Variants in KIAA1549L observed in about 807,000 individuals in gnomAD.
KIAA1549L encodes KIAA1549 like.
A neutral mutation model predicts 160.7 loss-of-function variants in KIAA1549L; 88 were observed. The ratio of observed to expected loss-of-function variants is 0.55; its 90% CI spans 0.46 to 0.65. KIAA1549L has a LOEUF of 0.65. Among genes scored for constraint, KIAA1549L ranks in the 30% least tolerant of loss-of-function variants. KIAA1549L has a pLI of 0.00. For missense variants in KIAA1549L, 2,258 were observed against 2,437.5 expected (o/e 0.93, Z 1.55); for synonymous variants, 950 against 976.7 (o/e 0.97, Z 0.51).
At chr11:33,554,918 A>C (rs1854596707) in intron 6 of KIAA1549L, among the ~76,000 whole-genome samples, 1 of 152,188 alleles carries the variant, frequency 6.6e-6, no homozygotes, top group Admixed American at 6.5e-5. Flanking sequence ...AGGGGTAAGT[A>C]AGAGATGAGG....
chr11:33,405,614 T>C (rs1206186302), intron 1 of KIAA1549L, among the ~76,000 whole-genome samples: 1 of 149,662 alleles, frequency 6.7e-6, no homozygotes, highest in Non-Finnish European at 1.5e-5. Context: ...GAGGCCGAGG[T>C]GGGTGGATCA....
At chr11:33,643,526 C>G (rs1851642659) in intron 16 of KIAA1549L, among the ~76,000 whole-genome samples, 1 of 152,202 alleles carries the variant, frequency 6.6e-6, no homozygotes, top group Non-Finnish European at 1.5e-5. Flanking sequence ...CTGTTAATCT[C>G]CCACCTGGGA....
chr11:33,498,812 T>A (rs946947241), intron 1 of KIAA1549L, among the ~76,000 whole-genome samples: 2 of 152,154 alleles, frequency 1.3e-5, no homozygotes. Context: ...TAGTGAGGAA[T>A]CACCCATTTT....
At chr11:33,437,657 C>G (rs1851407611) in intron 1 of KIAA1549L, among the ~76,000 whole-genome samples, 1 of 152,208 alleles carries the variant, frequency 6.6e-6, no homozygotes, top group East Asian at 1.9e-4. Flanking sequence ...GCAGCTGTTA[C>G]AAATTCCCCC....
chr11:33,424,856 CTGTG>C (rs1212616128), intron 1 of KIAA1549L, among the ~76,000 whole-genome samples: 1 of 152,134 alleles, frequency 6.6e-6, no homozygotes, highest in East Asian at 1.9e-4. Context: ...GCTGTGGACT[CTGTG>C]TGGTGAGGAG....
At chr11:33,502,477 T>G (rs991025777) in intron 1 of KIAA1549L, among the ~76,000 whole-genome samples, 3 of 152,204 alleles carry the variant, frequency 2.0e-5, no homozygotes, top group Non-Finnish European at 4.4e-5. Flanking sequence ...CTTTGCGGTC[T>G]TCTTCAGTTT....
intron 13 of KIAA1549L, among the ~76,000 whole-genome samples, chr11:33,606,059 G>T (rs117518431): frequency 2.2e-4 from 33 of 152,120 alleles, no homozygotes; most frequent in African/African-American, 7.2e-4. Context: ...CGGAATTTTC[G>T]TAGCTTTCTT....
intron 1 of KIAA1549L, among the ~76,000 whole-genome samples, chr11:33,399,869 C>T (rs992270124): frequency 2.6e-5 from 4 of 152,172 alleles, no homozygotes; most frequent in African/African-American, 9.7e-5. Flanking sequence ...ATTCTTGTAG[C>T]ACTCCGCTTC....
At chr11:33,569,765 G>A (rs972629987) in intron 9 of KIAA1549L, among the ~76,000 whole-genome samples, 5 of 152,148 alleles carry the variant, frequency 3.3e-5, no homozygotes, top group African/African-American at 1.2e-4. Context: ...CGGTGGTTAA[G>A]CTTGCGTGTC....
intron 1 of KIAA1549L, among the ~76,000 whole-genome samples, chr11:33,448,338 A>G (rs1851657337): frequency 6.6e-6 from 1 of 152,154 alleles, no homozygotes; most frequent in African/African-American, 2.4e-5. Context: ...CCAGGGATGT[A>G]TGTCCTTCCG....
At chr11:33,408,489 G>GTATATATATATATATA (rs138063173) in intron 1 of KIAA1549L, among the ~76,000 whole-genome samples, 7 of 123,072 alleles carry the variant, frequency 5.7e-5, no homozygotes, top group Non-Finnish European at 1.0e-4. Context: ...CTGTATATGT[G>GTATATATATATATATA]TATATATATA....
At chr11:33,431,149 T>G (rs1425535417) in intron 1 of KIAA1549L, among the ~76,000 whole-genome samples, 1 of 152,022 alleles carries the variant, frequency 6.6e-6, no homozygotes, top group East Asian at 1.9e-4. Context: ...CTCGCTGGCT[T>G]CAGGAGTGAA....
At chr11:33,600,953 G>A (rs956587597) in intron 13 of KIAA1549L, among the ~76,000 whole-genome samples, 4 of 152,026 alleles carry the variant, frequency 2.6e-5, no homozygotes, top group African/African-American at 4.8e-5. Flanking sequence ...CACTTAGCTG[G>A]TGAAATTCTG....
chr11:33,542,554 A>G lies in KIAA1549L; in HGVS notation c.991A>G (p.Thr331Ala), dbSNP rs761592361. 13 of 1,613,752 alleles carry G rather than the reference A, an allele frequency of 8.1e-6. No homozygotes were observed. The Admixed American group carries it at 1.2e-4, about 14-fold the overall frequency. ...STKWHSELSP[T>A]EGPHSAGSST... is the part of the protein sequence containing the mutation. ...AAAATGGCATTCCGAGCTGTCCCCA[A>G]CAGAGGGTCCCCATTCAGCAGGTTC... The change falls in exon 2 of 21, where the codon ACA becomes GCA. Residue 331 changes from threonine to alanine, a missense_variant. Coordinates refer to ENST00000658780, the MANE Select transcript of KIAA1549L (RefSeq NM_012194.3).
intron 1 of KIAA1549L, among the ~76,000 whole-genome samples, chr11:33,405,807 A>G (rs1339978603): frequency 7.6e-6 from 1 of 131,818 alleles, no homozygotes; most frequent in East Asian, 2.5e-4. Context: ...GCGCCACTGC[A>G]CTCCAGCCTG....
chr11:33,414,602 T>C (rs1274955104), intron 1 of KIAA1549L, among the ~76,000 whole-genome samples: 1 of 152,228 alleles, frequency 6.6e-6, no homozygotes, highest in Admixed American at 6.5e-5. Context: ...TAAGTATATA[T>C]GGGCAATGTA....
intron 1 of KIAA1549L, among the ~76,000 whole-genome samples, chr11:33,382,428 G>C (rs1850090321): frequency 6.6e-6 from 1 of 152,146 alleles, no homozygotes; most frequent in Non-Finnish European, 1.5e-5. Flanking sequence ...TCTAACTGCA[G>C]ATGGTTCAAG....
chr11:33,543,059 C>T lies in KIAA1549L; in HGVS notation c.1496C>T (p.Ala499Val). Residue 499 changes from alanine (A) to valine (V), a missense_variant, in exon 2 of 21, where the codon GCC becomes GTC. Physicochemically the swap from Ala to Val is moderately conservative, Grantham distance 64. Around this residue, in one of 6 missense-constraint regions of KIAA1549L, gnomAD observed 540 missense variants for 465.7 expected, o/e 1.16. Coordinates refer to ENST00000658780, the MANE Select transcript of KIAA1549L (RefSeq NM_012194.3). ...CCCGCATCACCATCAACTGGGACAG[C>T]CGACTTTCCCTCCATACTTACTTTC... ...AVPASPSTGTADFPSILTFLQ... is the reference protein window; with the variant it reads ...AVPASPSTGTVDFPSILTFLQ... 6.2e-7 allele frequency: 1 copy of T among 1,613,940 alleles called. No individual in the cohort carries two copies. The highest frequency in any genetic ancestry group is 8.5e-7 in the Non-Finnish European group (1 of 1,179,904).
chr11:33,664,973 C>T (rs181657989), intron 20 of KIAA1549L, among the ~76,000 whole-genome samples: 12 of 152,276 alleles, frequency 7.9e-5, no homozygotes, highest in Admixed American at 7.8e-4. Flanking sequence ...ACTCTGTAGC[C>T]TGATATTCAG....
Sources: gnomAD v4.1 joint callset for allele counts (sites outside exome capture counted in the v4.1 genomes callset) on GRCh38, gnomAD v4.1.1 for gene constraint, gnomAD v4.1.1 regional missense constraint, MANE v1.5 for transcripts, NCBI Gene and HGNC (gene_info 2026-07-23, HGNC 2026-07-21) for gene names.